Variants in CTBP2 observed in about 807,000 individuals in gnomAD.
The protein encoded by CTBP2 is C-terminal binding protein 2.
CTBP2 carries 30 observed loss-of-function variants against 80.3 expected under a neutral mutation model. The ratio of observed to expected loss-of-function variants is 0.37; its 90% confidence interval spans 0.28 to 0.51. The LOEUF is 0.51. Ranked by LOEUF, CTBP2 falls within the 20% of genes least tolerant of loss-of-function variation. The pLI is 0.93. For synonymous variants in CTBP2, 594 were observed against 587.4 expected (o/e 1.01, Z -0.16); for missense variants, 1,212 against 1,375.3 (o/e 0.88, Z 1.88).
intron 2 of CTBP2, among the ~76,000 whole-genome samples, chr10:125,058,235 A>G (rs557893169): frequency 1.3e-5 from 2 of 152,046 alleles, no homozygotes; most frequent in Non-Finnish European, 2.9e-5. Context: ...GCCCTCCCCA[A>G]AGTCACCCAC....
At chr10:125,001,922 T>C (rs895075869) in intron 3 of CTBP2, among the ~76,000 whole-genome samples, 9 of 152,150 alleles carry the variant, frequency 5.9e-5, no homozygotes, top group South Asian at 2.1e-4. Flanking sequence ...ACGTGGCCGG[T>C]GGTGCCCGAG....
At chr10:125,144,330 A>C (rs913303855) in intron 1 of CTBP2, among the ~76,000 whole-genome samples, 6 of 152,328 alleles carry the variant, frequency 3.9e-5, no homozygotes, top group Admixed American at 2.6e-4. Flanking sequence ...ACCAGTTCGG[A>C]TCTCGCTCGA....
At chr10:125,062,972 G>A (rs78728804) in intron 2 of CTBP2, among the ~76,000 whole-genome samples, 1,711 of 152,360 alleles carry the variant, frequency 0.011, 32 homozygotes, top group African/African-American at 0.039. Flanking sequence ...AGACAACTAT[G>A]CTCAGATGAT....
rs1238357724 is a variant in CTBP2 at position 124,986,645 on chromosome 10, T to G, written c.*2873A>C. The G allele has an allele frequency of 6.6e-6, 1 of 152,052 alleles. No individual in the cohort carries two copies. The highest frequency in any genetic ancestry group is 1.5e-5 in the Non-Finnish European group (1 of 68,014). 9.4% of individuals were successfully genotyped at this position (152,052 alleles called of 1,614,324 possible). A position where few individuals can be genotyped will look rare whatever the true frequency, so the allele number is the denominator to read the frequency against. On this transcript the variant is annotated 3_prime_UTR_variant, in exon 9 of 9. Transcript: ENST00000309035. ...TGTTTGTTTCAAGTGGTGAATGTGT[T>G]GTTAAAAATTGGCTGTTTGCTTTCA...
intron 2 of CTBP2, among the ~76,000 whole-genome samples, chr10:125,094,168 G>C (rs372898414): frequency 3.9e-4 from 59 of 152,290 alleles, no homozygotes; most frequent in African/African-American, 1.3e-3. Flanking sequence ...GTTACGCCTG[G>C]TGCTGATAAG....
intron 2 of CTBP2, among the ~76,000 whole-genome samples, chr10:125,063,284 GT>G (rs1844102913): frequency 6.6e-6 from 1 of 152,172 alleles, no homozygotes; most frequent in African/African-American, 2.4e-5. Flanking sequence ...AATCGGTCTG[GT>G]GGGGAAAAAC....
chr10:125,092,917 G>GA (rs1424801316), intron 2 of CTBP2, among the ~76,000 whole-genome samples: 15 of 152,140 alleles, frequency 9.9e-5, no homozygotes, highest in Non-Finnish European at 1.9e-4. Flanking sequence ...TCTAGAGTGG[G>GA]GGGGGGCAGC....
At chr10:125,054,740 G>C (rs1449498635) in intron 2 of CTBP2, among the ~76,000 whole-genome samples, 1 of 152,308 alleles carries the variant, frequency 6.6e-6, no homozygotes, top group Middle Eastern at 3.4e-3. Context: ...TAATACATTT[G>C]TAATGCATGG....
intron 2 of CTBP2, among the ~76,000 whole-genome samples, chr10:125,075,782 A>G (rs1846187888): frequency 6.6e-6 from 1 of 152,250 alleles, no homozygotes; most frequent in East Asian, 1.9e-4. Context: ...GCAGAGGATA[A>G]TGCTAAGAAT....
At chr10:125,120,986 C>T (rs945902622) in intron 1 of CTBP2, among the ~76,000 whole-genome samples, 1 of 152,250 alleles carries the variant, frequency 6.6e-6, no homozygotes, top group Non-Finnish European at 1.5e-5. Flanking sequence ...CACCCTCAAC[C>T]CTTTATCTAT....
At chr10:125,061,841 C>T (rs77416762) in intron 2 of CTBP2, among the ~76,000 whole-genome samples, 1,654 of 152,302 alleles carry the variant, frequency 0.011, 29 homozygotes, top group African/African-American at 0.037. Flanking sequence ...CCCCGGCTCA[C>T]GGCATCCTGG....
intron 1 of CTBP2, among the ~76,000 whole-genome samples, chr10:125,131,494 G>A (rs1430627279): frequency 6.6e-6 from 1 of 152,178 alleles, no homozygotes; most frequent in African/African-American, 2.4e-5. Flanking sequence ...GAAGCCATGA[G>A]GTTCATTTAG....
chr10:125,019,164 G>GC (rs1554969427), intron 1 of CTBP2, among the ~76,000 whole-genome samples: 1 of 152,112 alleles, frequency 6.6e-6, no homozygotes, highest in African/African-American at 2.4e-5. Context: ...ACGAAGGCTA[G>GC]TTTTTTTATC....
At chr10:125,078,692 A>G (rs1232423449) in intron 2 of CTBP2, among the ~76,000 whole-genome samples, 2 of 152,098 alleles carry the variant, frequency 1.3e-5, no homozygotes, top group African/African-American at 4.8e-5. Flanking sequence ...TCCTGTAGAG[A>G]TGGCCAAAGC....
At chr10:125,146,525 C>T (rs1381498738) in intron 1 of CTBP2, among the ~76,000 whole-genome samples, 2 of 152,122 alleles carry the variant, frequency 1.3e-5, no homozygotes, top group Non-Finnish European at 2.9e-5. Flanking sequence ...TTAGGTGATC[C>T]ACCTGCCTCA....
At chr10:125,138,442 G>A (rs1857290564) in intron 1 of CTBP2, among the ~76,000 whole-genome samples, 1 of 152,142 alleles carries the variant, frequency 6.6e-6, no homozygotes, top group Admixed American at 6.5e-5. Flanking sequence ...GCGTTTGGTG[G>A]GGCTGGTGAA....
At chr10:125,135,742 C>T (rs1410803707) in intron 1 of CTBP2, among the ~76,000 whole-genome samples, 1 of 152,128 alleles carries the variant, frequency 6.6e-6, no homozygotes, top group African/African-American at 2.4e-5. Flanking sequence ...GAAGCCAGGC[C>T]ACACTGGGCT....
upstream of CTBP2, among the ~76,000 whole-genome samples, chr10:125,030,034 C>T (rs1471696050): frequency 6.6e-6 from 1 of 152,088 alleles, no homozygotes; most frequent in Non-Finnish European, 1.5e-5. Context: ...CACCCAAACT[C>T]GCACAGCCTT....
At chr10:125,054,996 G>A (rs1963584185) in intron 2 of CTBP2, among the ~76,000 whole-genome samples, 2 of 152,154 alleles carry the variant, frequency 1.3e-5, no homozygotes, top group African/African-American at 4.8e-5. Flanking sequence ...CATGCACAGA[G>A]TTAACTCAGG....
Sources: allele counts gnomAD v4.1 joint callset (sites outside exome capture counted in the v4.1 genomes callset), GRCh38; gene constraint gnomAD v4.1.1; transcripts MANE v1.5; gene names NCBI Gene and HGNC (gene_info 2026-07-23, HGNC 2026-07-21).